LRMDA: variants seen among roughly 807,000 people sequenced by gnomAD.
LRMDA encodes leucine rich melanocyte differentiation associated, also known as leucine-rich melanocyte differentiation-associated protein.
LRMDA carries 18 observed loss-of-function variants against 29.8 expected under a neutral mutation model. The observed-to-expected ratio is 0.60, with a 90% confidence interval of 0.42 to 0.90. LRMDA has a LOEUF of 0.90. Ranked by LOEUF, LRMDA falls within the 40% of genes least tolerant of loss-of-function variation. The probability of loss-of-function intolerance (pLI) is 0.00; values close to 1 mark genes in which losing one functional copy is unlikely to be tolerated. For synonymous variants in LRMDA, 125 were observed against 109.4 expected (o/e 1.14, Z -0.89); for missense variants, 273 against 273.9 (o/e 1.00, Z 0.02).
chr10:75,949,876 T>C (rs1846543602), intron 2 of LRMDA, among the ~76,000 whole-genome samples: 1 of 152,200 alleles, frequency 6.6e-6, no homozygotes, highest in South Asian at 2.1e-4. Flanking sequence ...CCCAAGATGT[T>C]GCGAAGAGGG....
intron 2 of LRMDA, among the ~76,000 whole-genome samples, chr10:75,510,222 G>A (rs1156260397): frequency 1.3e-5 from 2 of 152,326 alleles, no homozygotes; most frequent in Non-Finnish European, 1.5e-5. Context: ...ACAGAAAATA[G>A]GGGAGAGGAG....
chr10:75,985,403 A>G (rs962667675), intron 2 of LRMDA, among the ~76,000 whole-genome samples: 2 of 152,210 alleles, frequency 1.3e-5, no homozygotes, highest in Admixed American at 1.3e-4. Flanking sequence ...CACAGGCTCA[A>G]ATAACACAGT....
intron 5 of LRMDA, among the ~76,000 whole-genome samples, chr10:76,282,000 T>C (rs1482873802): frequency 6.6e-6 from 1 of 152,214 alleles, no homozygotes. Flanking sequence ...TTTGCATTTT[T>C]TGGTGAAAGA....
chr10:76,112,779 G>C (rs1006127200), intron 5 of LRMDA, among the ~76,000 whole-genome samples: 1 of 149,844 alleles, frequency 6.7e-6, no homozygotes, highest in African/African-American at 2.5e-5. Flanking sequence ...GTGTGTTCTA[G>C]CCTGAGGGTG....
chr10:76,011,877 G>A (rs1244466467), intron 2 of LRMDA, among the ~76,000 whole-genome samples: 1 of 152,200 alleles, frequency 6.6e-6, no homozygotes, highest in Non-Finnish European at 1.5e-5. Context: ...CATGTCTCCA[G>A]ATTGCATGGG....
intron 2 of LRMDA, among the ~76,000 whole-genome samples, chr10:75,860,184 C>T (rs1844899245): frequency 1.3e-5 from 2 of 152,014 alleles, no homozygotes; most frequent in South Asian, 4.1e-4. Flanking sequence ...CCCAAGAGGT[C>T]GCCTTGTGCA....
chr10:75,697,854 T>C (rs118040943), intron 2 of LRMDA, among the ~76,000 whole-genome samples: 16,858 of 151,564 alleles, frequency 0.11, 983 homozygotes, highest in Middle Eastern at 0.18. Flanking sequence ...TGTGTGTGCG[T>C]GTGTGTGTGT....
At chr10:75,969,094 G>A (rs967071498) in intron 2 of LRMDA, among the ~76,000 whole-genome samples, 2 of 152,164 alleles carry the variant, frequency 1.3e-5, no homozygotes, top group Non-Finnish European at 2.9e-5. Context: ...TTGCAAGAAA[G>A]GACTTGTACT....
At chr10:75,962,173 G>A (rs1846779811) in intron 2 of LRMDA, among the ~76,000 whole-genome samples, 1 of 152,194 alleles carries the variant, frequency 6.6e-6, no homozygotes, top group South Asian at 2.1e-4. Flanking sequence ...ATTTCAGGGA[G>A]ACATGATTCC....
At chr10:75,440,806 C>T (rs935970259) in intron 2 of LRMDA, among the ~76,000 whole-genome samples, 5 of 152,092 alleles carry the variant, frequency 3.3e-5, no homozygotes, top group Non-Finnish European at 7.4e-5. Context: ...GAGGCCAAGG[C>T]GGGCAAATCA....
At chr10:75,440,027 G>C (rs2132023197) in intron 2 of LRMDA, among the ~76,000 whole-genome samples, 1 of 151,716 alleles carries the variant, frequency 6.6e-6, no homozygotes, top group Admixed American at 6.6e-5. Flanking sequence ...GACCCCGTGA[G>C]GGAGCATCAG....
intron 2 of LRMDA, among the ~76,000 whole-genome samples, chr10:75,838,889 G>A (rs1844486757): frequency 6.6e-6 from 1 of 152,178 alleles, no homozygotes; most frequent in African/African-American, 2.4e-5. Context: ...GATCAGGAAA[G>A]GAGAGACAAT....
intron 5 of LRMDA, among the ~76,000 whole-genome samples, chr10:76,225,600 T>C (rs2132264817): frequency 6.6e-6 from 1 of 152,102 alleles, no homozygotes; most frequent in East Asian, 1.9e-4. Context: ...CTTCTCTCTC[T>C]TTTCTTCTCT....
chr10:76,250,696 A>AT, intron 5 of LRMDA, among the ~76,000 whole-genome samples: 1 of 152,128 alleles, frequency 6.6e-6, no homozygotes. Flanking sequence ...ATAAGAAATT[A>AT]TTTTTTCCAT....
intron 6 of LRMDA, among the ~76,000 whole-genome samples, chr10:76,481,233 A>G (rs1842730493): frequency 6.6e-6 from 1 of 151,896 alleles, no homozygotes; most frequent in African/African-American, 2.4e-5. Context: ...AGAAAATAAA[A>G]CTCTTCAAGA....
chr10:76,128,730 C>T (rs182413628), intron 5 of LRMDA, among the ~76,000 whole-genome samples: 206 of 152,334 alleles, frequency 1.4e-3, no homozygotes, highest in African/African-American at 4.8e-3. Flanking sequence ...CTGGGCATAG[C>T]ATGCCCTAGA....
At chr10:75,654,646 G>C (rs532348643) in intron 2 of LRMDA, among the ~76,000 whole-genome samples, 2 of 152,172 alleles carry the variant, frequency 1.3e-5, no homozygotes, top group South Asian at 4.1e-4. Flanking sequence ...AGCACAAGAA[G>C]TAAAACCAAA....
chr10:76,418,483 A>G (rs764967376), intron 6 of LRMDA, among the ~76,000 whole-genome samples: 2 of 151,940 alleles, frequency 1.3e-5, no homozygotes, highest in East Asian at 3.9e-4. Flanking sequence ...TAATTCTCAT[A>G]TGTTTATTTT....
At chr10:76,015,444 G>A (rs1211390217) in intron 2 of LRMDA, among the ~76,000 whole-genome samples, 3 of 152,166 alleles carry the variant, frequency 2.0e-5, no homozygotes, top group African/African-American at 2.4e-5. Flanking sequence ...GACCTACCTC[G>A]GCTCCTTGCC....
Sources: gnomAD v4.1 joint callset for allele counts (sites outside exome capture counted in the v4.1 genomes callset) on GRCh38, gnomAD v4.1.1 for gene constraint, MANE v1.5 for transcripts, NCBI Gene and HGNC (gene_info 2026-07-23, HGNC 2026-07-21) for gene names.